Variants in TSHZ3 observed in about 807,000 individuals in gnomAD.
The protein encoded by TSHZ3 is teashirt zinc finger homeobox 3, also known as teashirt homolog 3.
A neutral mutation model predicts 64.5 loss-of-function variants in TSHZ3; 10 were observed. The observed-to-expected ratio is 0.16, with a 90% CI of 0.10 to 0.26. The LOEUF is 0.26. Among genes scored for constraint, TSHZ3 ranks in the 10% least tolerant of loss-of-function variants. The pLI, the probability that TSHZ3 is intolerant of heterozygous loss-of-function variation, is 1.00. For synonymous variants in TSHZ3, 608 were observed against 593.1 expected (o/e 1.03, Z -0.36); for missense variants, 1,242 against 1,421.7 (o/e 0.87, Z 2.03).
intron 1 of TSHZ3, among the ~76,000 whole-genome samples, chr19:31,267,810 T>C (rs1976075062): frequency 1.3e-5 from 2 of 152,106 alleles, no homozygotes; most frequent in Admixed American, 6.5e-5. Flanking sequence ...GCTGAGCTTG[T>C]TGAGAATGGG....
chr19:31,339,158 T>A (rs1917349352), intron 1 of TSHZ3, among the ~76,000 whole-genome samples: 1 of 151,476 alleles, frequency 6.6e-6, no homozygotes. Context: ...CAAGCCAGGG[T>A]GGCTTGAATG....
At chr19:31,248,360 A>C (rs1196322596) in intron 1 of TSHZ3, among the ~76,000 whole-genome samples, 3 of 152,228 alleles carry the variant, frequency 2.0e-5, no homozygotes, top group Admixed American at 2.0e-4. Context: ...TGTAAGCCTG[A>C]AATTACAAAC....
intron 1 of TSHZ3, among the ~76,000 whole-genome samples, chr19:31,301,061 T>C (rs1053329896): frequency 5.9e-5 from 9 of 152,184 alleles, no homozygotes; most frequent in African/African-American, 2.2e-4. Context: ...TATATCAGAA[T>C]ATTTTTCATT....
At chr19:31,296,807 T>G (rs918965527) in intron 1 of TSHZ3, among the ~76,000 whole-genome samples, 1 of 152,278 alleles carries the variant, frequency 6.6e-6, no homozygotes, top group South Asian at 2.1e-4. Context: ...GTTCTGGCAC[T>G]GGGGGTCAGT....
chr19:31,271,615 G>A (rs1976139872), downstream of TSHZ3, among the ~76,000 whole-genome samples: 4 of 152,190 alleles, frequency 2.6e-5, no homozygotes, highest in African/African-American at 9.7e-5. Context: ...GCAGAGGCCG[G>A]TGAGCCCTGG....
intron 4 of TSHZ3, among the ~76,000 whole-genome samples, chr19:31,225,850 G>C (rs1305206339): frequency 6.6e-6 from 1 of 152,068 alleles, no homozygotes; most frequent in East Asian, 1.9e-4. Context: ...GTGTCAGCTG[G>C]GCACGGTGGC....
intron 1 of TSHZ3, among the ~76,000 whole-genome samples, chr19:31,306,528 T>A (rs185657763): frequency 6.6e-6 from 1 of 152,068 alleles, no homozygotes; most frequent in African/African-American, 2.4e-5. Context: ...TGCACGTGCG[T>A]GGGTGCGCAT....
chr19:31,271,495 G>A (rs908187229), downstream of TSHZ3, among the ~76,000 whole-genome samples: 2 of 152,174 alleles, frequency 1.3e-5, no homozygotes, highest in African/African-American at 2.4e-5. Context: ...AGGTGAGGTC[G>A]GTTCTATCAC....
exon 3 of TSHZ3, among the ~76,000 whole-genome samples, chr19:31,242,360 G>T (rs1455891608): frequency 6.6e-6 from 1 of 152,200 alleles, no homozygotes; most frequent in Admixed American, 6.5e-5. Flanking sequence ...AAGTCCAAAA[G>T]CCTCAGAACC....
chr19:31,310,944 G>A (rs1249300948), intron 1 of TSHZ3, among the ~76,000 whole-genome samples: 5 of 152,202 alleles, frequency 3.3e-5, no homozygotes, highest in Non-Finnish European at 5.9e-5. Context: ...TCTCTAGGGC[G>A]ACATTTCAGC....
At chr19:31,333,395 T>A (rs1045743365) in intron 1 of TSHZ3, among the ~76,000 whole-genome samples, 1 of 151,950 alleles carries the variant, frequency 6.6e-6, no homozygotes, top group African/African-American at 2.4e-5. Flanking sequence ...GCCTACACTC[T>A]CCCTCCTGTA....
chr19:31,190,746 A>G (rs1889191219), intron 5 of TSHZ3, among the ~76,000 whole-genome samples: 1 of 152,244 alleles, frequency 6.6e-6, no homozygotes, highest in Non-Finnish European at 1.5e-5. Flanking sequence ...TGACACAGTT[A>G]TTGAACTTAG....
intron 1 of TSHZ3, among the ~76,000 whole-genome samples, chr19:31,300,765 A>C (rs1330685531): frequency 6.6e-6 from 1 of 152,146 alleles, no homozygotes; most frequent in East Asian, 1.9e-4. Flanking sequence ...CTCGGTAGGA[A>C]GTCACAGCCC....
At chr19:31,344,096 G>A (rs1194666213) in intron 1 of TSHZ3, among the ~76,000 whole-genome samples, 1 of 152,126 alleles carries the variant, frequency 6.6e-6, no homozygotes, top group Non-Finnish European at 1.5e-5. Context: ...CCATATCATT[G>A]TTACTAAATA....
chr19:31,152,979 C>A (rs1184797154), intron 6 of TSHZ3, among the ~76,000 whole-genome samples: 1 of 152,182 alleles, frequency 6.6e-6, no homozygotes, highest in African/African-American at 2.4e-5. Flanking sequence ...GTCAAGCCAA[C>A]AAATACTTGA....
rs1223293222 is a variant in TSHZ3 at position 31,277,650 on chromosome 19, C to G, written c.2143G>C (p.Glu715Gln). 7 of 1,540,278 alleles carry G rather than the reference C, an allele frequency of 4.5e-6. No homozygotes were observed. The highest frequency in any genetic ancestry group is 2.8e-5 in the African/African-American group (2 of 72,566). The stretch of plus-strand genomic sequence containing the variant: ...CTCAAAGGGTTAACAAAAGGCTGTT[C>G]AGGCGGGTGGTCGGTGATGATGGCC... Reference protein sequence around the residue: ...STAIITDHPPEQPFVNPLSAL... With the variant: ...STAIITDHPPQQPFVNPLSAL... Residue 715 changes from glutamate to glutamine, a missense_variant, in exon 2 of 2, where the codon GAA becomes CAA. Glu to Gln is a conservative substitution (Grantham distance 29). Transcript: ENST00000240587. This position sits in a 1 kb window ranked among gnomAD's most constrained non-coding sequence, Gnocchi z 4.5.
chr19:31,329,468 A>G (rs1403339771), intron 1 of TSHZ3, among the ~76,000 whole-genome samples: 1 of 152,176 alleles, frequency 6.6e-6, no homozygotes, highest in African/African-American at 2.4e-5. Flanking sequence ...TTGCACAAAC[A>G]TTTAATTTAG....
At chr19:31,233,273 A>C (rs1460231886) in intron 3 of TSHZ3, among the ~76,000 whole-genome samples, 1 of 152,184 alleles carries the variant, frequency 6.6e-6, no homozygotes, top group Non-Finnish European at 1.5e-5. Flanking sequence ...TCTTTTAGTC[A>C]GTTTAGTCAT....
At chr19:31,163,186 C>T (rs1974392045) in intron 5 of TSHZ3, among the ~76,000 whole-genome samples, 1 of 152,116 alleles carries the variant, frequency 6.6e-6, no homozygotes, top group Admixed American at 6.5e-5. Context: ...CCTATTTCAT[C>T]AGTCTGAAAT....
Sources: gnomAD v4.1 joint callset for allele counts (sites outside exome capture counted in the v4.1 genomes callset) on GRCh38, gnomAD v4.1.1 for gene constraint, Gnocchi (gnomAD v3.1) non-coding constraint, MANE v1.5 for transcripts, NCBI Gene and HGNC (gene_info 2026-07-23, HGNC 2026-07-21) for gene names.